The following CCNB1IP1 variants were observed in gnomAD, a reference collection of about 807,000 sequenced individuals.
CCNB1IP1 encodes E3 ubiquitin-protein ligase CCNB1IP1.
CCNB1IP1 carries 14 observed loss-of-function variants against 25.6 expected under a neutral mutation model. That is an observed-to-expected ratio of 0.55 (90% CI 0.36 to 0.85). CCNB1IP1 has a LOEUF of 0.85. CCNB1IP1 is among the 40% of genes least tolerant of loss of function. The probability of loss-of-function intolerance (pLI) is 0.01; values close to 1 mark genes in which losing one functional copy is unlikely to be tolerated. For synonymous variants in CCNB1IP1, 119 were observed against 116.1 expected (o/e 1.02, Z -0.16); for missense variants, 278 against 342.4 (o/e 0.81, Z 1.48).
intron 2 of CCNB1IP1, among the ~76,000 whole-genome samples, chr14:20,327,302 TAGTC>T (rs1215439111): frequency 2.0e-5 from 3 of 151,998 alleles, no homozygotes; most frequent in South Asian, 2.1e-4. Context: ...TAATCCAAAA[TAGTC>T]AGTTTTTTCA....
In CCNB1IP1 at chr14:20,316,478, G is replaced by C. The variant is rs760690563; in HGVS notation, c.46C>G (p.Arg16Gly). Residue 16 changes from arginine to glycine, a missense_variant, in exon 5 of 7, where the codon CGC becomes GGC. Transcript: ENST00000358932. ...CATGCATAGCCAGAGAGTTTGATGCGACACTTTCGATAATTACAAAGCAGC... is the reference window on the plus strand; with the variant it reads ...CATGCATAGCCAGAGAGTTTGATGCCACACTTTCGATAATTACAAAGCAGC... ...DMLLCNYRKC[R>G]IKLSGYAWVT... The C allele has an allele frequency of 1.2e-6, 2 of 1,612,256 alleles. No homozygotes were observed. Among genetic ancestry groups the C allele is most frequent in the Admixed American group, 1.7e-5 (1 of 60,000 alleles).
In CCNB1IP1 at chr14:20,332,584, A is replaced by G. The variant is rs545709127; in HGVS notation, c.-431+670T>C. Among the ~76,000 whole-genome samples, 3 of 152,320 alleles carry G rather than the reference A, an allele frequency of 2.0e-5. No homozygotes were observed. The South Asian group carries it at 6.2e-4, about 32-fold the overall frequency. ...CTTCTCCCAAGGTCACCAGAGCTGT[A>G]AACTGTGGCGCTGGAATTTAAATCT... is the stretch of plus-strand genomic sequence containing the variant. On this transcript the variant is annotated intron_variant, in intron 1 of 6. Coordinates refer to ENST00000358932, the MANE Select transcript of CCNB1IP1 (RefSeq NM_021178.5).
At position 20,326,696 on chromosome 14, in the gene CCNB1IP1, G is replaced by A. The variant is rs1031333670; in HGVS notation, c.-153+20C>T. On this transcript the variant is annotated intron_variant, in intron 3 of 6. Transcript: ENST00000358932. ...GAAATCCAAATGAGGTAAAAACGAA[G>A]ATTTTGCTCTTACTCTTACCTCTGG... 8.6e-5 allele frequency: 27 copies of A among 313,764 alleles called. No homozygotes were observed. Among genetic ancestry groups the A allele is most frequent in the Admixed American group, 5.4e-4 (12 of 22,298 alleles). The allele number at this position is 313,764 out of a possible 1,614,324, so 19.4% of individuals were successfully genotyped here.
chr14:20,316,534 TG>T lies in CCNB1IP1; in HGVS notation c.-12del, dbSNP rs767186345. 8 of 1,594,546 alleles carry T rather than the reference TG, an allele frequency of 5.0e-6. No individual in the cohort carries two copies. Among genetic ancestry groups the T allele is most frequent in the Non-Finnish European group, 6.8e-6 (8 of 1,171,886 alleles). On this transcript the variant is annotated 5_prime_UTR_variant, in exon 5 of 7. Coordinates refer to ENST00000358932, the MANE Select transcript of CCNB1IP1 (RefSeq NM_021178.5). ...TTCACACAAAGACATAATAGGATAGTGAGGTCTCCAGAAGCTGAAGAGAGGC... is the reference window on the plus strand; with the variant it reads ...TTCACACAAAGACATAATAGGATAGTAGGTCTCCAGAAGCTGAAGAGAGGC...
chr14:20,317,746 A>G (rs1882757839), intron 4 of CCNB1IP1: 1 of 152,274 alleles, frequency 6.6e-6, no homozygotes, highest in Admixed American at 6.5e-5. Context: ...ATTTTCAGCC[A>G]GCTTTCCACG....
rs1371082472 is a variant in CCNB1IP1, at chr14:20,326,768, G to T, written c.-205C>A. On this transcript the variant is annotated 5_prime_UTR_variant, in exon 3 of 7. Transcript: ENST00000358932. ...ATCTAGAAATCCAGTTGAACCACAG[G>T]ATCTATCAATTATCTAGGATCATTT... 1.1e-5 allele frequency: 3 copies of T among 276,102 alleles called. No individual in the cohort carries two copies. The highest frequency in any genetic ancestry group is 1.0e-4 in the South Asian group (3 of 29,944). The allele number at this position is 276,102 out of a possible 1,614,324, so 17.1% of individuals were successfully genotyped here. A position where few individuals can be genotyped will look rare whatever the true frequency, so the allele number is the denominator to read the frequency against.
intron 5 of CCNB1IP1, chr14:20,315,678 T>A: frequency 1.6e-6 from 2 of 1,235,742 alleles, no homozygotes; most frequent in South Asian, 2.6e-5. Context: ...AGAATGCTTA[T>A]CATAGCATTT....
At chr14:20,324,127 G>A (rs1208764456) in intron 4 of CCNB1IP1, among the ~76,000 whole-genome samples, 1 of 152,012 alleles carries the variant, frequency 6.6e-6, no homozygotes, top group Non-Finnish European at 1.5e-5. Flanking sequence ...TGAGGGGCGG[G>A]GTGAAGGTAA....
At chr14:20,317,233 C>T (rs1406760028) in intron 4 of CCNB1IP1, among the ~76,000 whole-genome samples, 1 of 151,830 alleles carries the variant, frequency 6.6e-6, no homozygotes, top group Non-Finnish European at 1.5e-5. Context: ...GGTGAAATCC[C>T]ATCTCTACTA....
intron 5 of CCNB1IP1, chr14:20,315,707 T>G: frequency 8.2e-7 from 1 of 1,212,218 alleles, no homozygotes; most frequent in Non-Finnish European, 1.1e-6. Context: ...TGGAAATAAA[T>G]TATGATACAA....
chr14:20,318,265 G>C (rs1291705745), intron 4 of CCNB1IP1: 2 of 152,166 alleles, frequency 1.3e-5, no homozygotes, highest in African/African-American at 2.4e-5. Flanking sequence ...CCTGAGGTCA[G>C]GAGTTCCCGA....
chr14:20,328,062 G>C (rs1883129495), intron 2 of CCNB1IP1, among the ~76,000 whole-genome samples: 2 of 152,168 alleles, frequency 1.3e-5, no homozygotes, highest in South Asian at 4.1e-4. Context: ...TCTAAAATAA[G>C]CTGACAGAAA....
At chr14:20,314,990 C>T (rs1351594098) in intron 5 of CCNB1IP1, among the ~76,000 whole-genome samples, 1 of 147,202 alleles carries the variant, frequency 6.8e-6, no homozygotes, top group Non-Finnish European at 1.5e-5. Context: ...ACTCGGGAGG[C>T]TGAGGCAGGA....
chr14:20,316,582 G>A, intron 4 of CCNB1IP1, 22 bp from the exon 5 acceptor site: 6 of 1,385,590 alleles, frequency 4.3e-6, no homozygotes, highest in South Asian at 1.3e-5. Context: ...TAAATAAAAA[G>A]GCCAAGTAAG....
At chr14:20,312,076 T>A (rs2138836600) in intron 6 of CCNB1IP1, among the ~76,000 whole-genome samples, 1 of 152,322 alleles carries the variant, frequency 6.6e-6, no homozygotes, top group Non-Finnish European at 1.5e-5. Flanking sequence ...CCTTGGCTTT[T>A]ACAGGTTTTA....
At position 20,311,401 on chromosome 14, in the gene CCNB1IP1, T is replaced by A. The variant is rs1341872172; in HGVS notation, c.*149A>T. 9 of 563,444 alleles carry A rather than the reference T, an allele frequency of 1.6e-5. No individual in the cohort carries two copies. Among genetic ancestry groups the A allele is most frequent in the Non-Finnish European group, 2.5e-5 (8 of 317,054 alleles). The allele number at this position is 563,444 out of a possible 1,614,324, so 34.9% of individuals were successfully genotyped here. A position where few individuals can be genotyped will look rare whatever the true frequency, so the allele number is the denominator to read the frequency against. On this transcript the variant is annotated 3_prime_UTR_variant, in exon 7 of 7. Coordinates refer to ENST00000358932, the MANE Select transcript of CCNB1IP1 (RefSeq NM_021178.5). Reference sequence around the variant, plus strand: ...TAGCTAAATTATCTTTATTTTTTTTTAGAAACAGGGTCTCACTCTGTTGCC... The same window carrying A: ...TAGCTAAATTATCTTTATTTTTTTTAAGAAACAGGGTCTCACTCTGTTGCC...
At chr14:20,332,247 T>A (rs1381524456) in intron 1 of CCNB1IP1, among the ~76,000 whole-genome samples, 2 of 151,960 alleles carry the variant, frequency 1.3e-5, no homozygotes, top group Non-Finnish European at 2.9e-5. Flanking sequence ...ATGGGAGGCC[T>A]ACAAATACCT....
At position 20,316,407 on chromosome 14, in the gene CCNB1IP1, A is replaced by C. The variant is rs754432303; in HGVS notation, c.117T>G (p.Gly39=). ...SHIFCDQHGS[G]EFSRSPAICP... is the part of the protein sequence containing the mutation. ...AGATAGCTGGTGAGCGACTAAACTC[A>C]CCACTGCCATGCTGATCACAGAAGA... The change falls in exon 5 of 7, where the codon GGT becomes GGG. Residue 39 remains glycine, a synonymous_variant. Coordinates refer to ENST00000358932, the MANE Select transcript of CCNB1IP1 (RefSeq NM_021178.5). 45 of 1,613,870 alleles carry C rather than the reference A, an allele frequency of 2.8e-5. No individual in the cohort carries two copies. The highest frequency in any genetic ancestry group is 6.7e-5 in the Admixed American group (4 of 59,990).
At chr14:20,329,579 C>T (rs1425001381) in intron 1 of CCNB1IP1, among the ~76,000 whole-genome samples, 1 of 152,120 alleles carries the variant, frequency 6.6e-6, no homozygotes, top group Non-Finnish European at 1.5e-5. Flanking sequence ...TTGCTTTATC[C>T]ATTCATCCGT....
Sources: allele counts gnomAD v4.1 joint callset (sites outside exome capture counted in the v4.1 genomes callset), GRCh38; gene constraint gnomAD v4.1.1; transcripts MANE v1.5; gene names NCBI Gene and HGNC (gene_info 2026-07-23, HGNC 2026-07-21).